The following PBRM1 variants were observed in gnomAD, a reference collection of about 807,000 sequenced individuals.
The protein encoded by PBRM1 is protein polybromo-1.
PBRM1 carries 27 observed loss-of-function variants against 194.5 expected under a neutral mutation model. The observed-to-expected ratio is 0.14, with a 90% CI of 0.10 to 0.19. The LOEUF (loss-of-function observed/expected upper bound fraction) is 0.19, where lower values mean the gene tolerates loss of function less well. Among genes scored for constraint, PBRM1 ranks in the 10% least tolerant of loss-of-function variants. The pLI is 1.00. For synonymous variants in PBRM1, 655 were observed against 693.2 expected, an observed-to-expected ratio of 0.94 and a Z score of 0.87; for missense variants, 1,466 against 2,077.2, an observed-to-expected ratio of 0.71 and a Z score of 5.72.
intron 22 of PBRM1, among the ~76,000 whole-genome samples, chr3:52,573,377 T>C (rs2088147228): frequency 6.6e-6 from 1 of 152,022 alleles, no homozygotes; most frequent in African/African-American, 2.4e-5. Flanking sequence ...CACTGCAACC[T>C]CCACCTCTCG....
At chr3:52,627,250 C>G in intron 13 of PBRM1, 23 bp downstream of exon 14, 1 of 1,324,840 alleles carries the variant, frequency 7.5e-7, no homozygotes, top group South Asian at 1.2e-5. Flanking sequence ...TGAGATGTCC[C>G]CAGCTATAAG....
At chr3:52,649,725 G>C (rs746847801) in intron 6 of PBRM1, among the ~76,000 whole-genome samples, 8 of 152,128 alleles carry the variant, frequency 5.3e-5, no homozygotes, top group Admixed American at 2.0e-4. Flanking sequence ...TCTGAGCACG[G>C]GACTGGCAGG....
At chr3:52,559,901 T>C (rs2083086852) in intron 25 of PBRM1, among the ~76,000 whole-genome samples, 1 of 149,874 alleles carries the variant, frequency 6.7e-6, no homozygotes, top group Admixed American at 6.7e-5. Flanking sequence ...AGTATTTTCA[T>C]TATACAAGTG....
chr3:52,615,300 A>G, intron 15 of PBRM1, 51 bp downstream of exon 17: 2 of 921,288 alleles, frequency 2.2e-6, no homozygotes, highest in South Asian at 1.4e-5. Flanking sequence ...AAAAATCAGC[A>G]ATCTCTTCTT....
chr3:52,587,540 G>T, intron 18 of PBRM1, 30 bp from the exon 21 acceptor site: 3 of 1,390,902 alleles, frequency 2.2e-6, no homozygotes, highest in Non-Finnish European at 3.0e-6. Flanking sequence ...GGAAGGGGAA[G>T]AGAAAGAGAA....
At chr3:52,660,743 C>A (rs1000445542) in intron 4 of PBRM1, among the ~76,000 whole-genome samples, 1 of 152,144 alleles carries the variant, frequency 6.6e-6, no homozygotes, top group African/African-American at 2.4e-5. Context: ...AAACTCCTGA[C>A]CTCAGGTGAT....
At chr3:52,614,853 G>A (rs1338295665) in intron 15 of PBRM1, among the ~76,000 whole-genome samples, 1 of 152,134 alleles carries the variant, frequency 6.6e-6, no homozygotes, top group Non-Finnish European at 1.5e-5. Context: ...TTACAGGCAT[G>A]AGTCACTGTT....
At chr3:52,629,089 T>C in intron 11 of PBRM1, 54 bp from the exon 13 acceptor site, 2 of 1,425,258 alleles carry the variant, frequency 1.4e-6, no homozygotes, top group African/African-American at 1.4e-5. Flanking sequence ...TTATGAAACA[T>C]TCTTCCTGAA....
chr3:52,584,507 G>A (rs1461174421), intron 20 of PBRM1, among the ~76,000 whole-genome samples: 1 of 123,602 alleles, frequency 8.1e-6, no homozygotes, highest in African/African-American at 3.2e-5. Context: ...CCAGGCTAGA[G>A]TGCAGTGGTG....
rs2095403298 is a variant in PBRM1 at position 52,625,026 on chromosome 3, A to G, written c.1541+2247T>C. 19 of 904,442 alleles carry G rather than the reference A, an allele frequency of 2.1e-5. No individual in the cohort carries two copies. In the South Asian group the frequency reaches 2.7e-4, roughly 13 times the overall value. 56.0% of individuals were successfully genotyped at this position (904,442 alleles called of 1,614,324 possible). A position where few individuals can be genotyped will look rare whatever the true frequency, so the allele number is the denominator to read the frequency against. ...GTCATGTACAAACCATGTATGGTTG[A>G]AGAAAAAGATTATTCAGTCCAAAGT... is the stretch of plus-strand genomic sequence containing the variant. On this transcript the variant is annotated intron_variant, in intron 13 of 29. Transcript: ENST00000296302.
chr3:52,650,230 G>A (rs1420117782), intron 6 of PBRM1, among the ~76,000 whole-genome samples: 1 of 151,842 alleles, frequency 6.6e-6, no homozygotes, highest in African/African-American at 2.4e-5. Context: ...AGGTTTGGTG[G>A]CAGGCGCCTA....
intron 17 of PBRM1, among the ~76,000 whole-genome samples, chr3:52,592,448 T>A (rs1009355340): frequency 1.3e-5 from 2 of 152,216 alleles, no homozygotes; most frequent in African/African-American, 2.4e-5. Context: ...AGTTCTTTTT[T>A]ATGTGATGAA....
chr3:52,560,573 C>T (rs1184566070), intron 25 of PBRM1: 1 of 152,006 alleles, frequency 6.6e-6, no homozygotes, highest in Non-Finnish European at 1.5e-5. Context: ...AATATGCATG[C>T]TGTATGAAAG....
At chr3:52,624,811 G>T in intron 13 of PBRM1, 86 bp downstream of exon 15, 1 of 882,862 alleles carries the variant, frequency 1.1e-6, no homozygotes. Flanking sequence ...CATGCTTAAG[G>T]CTTCACTTTT....
Position 52,668,380 on chromosome 3 carries a change from C to T in PBRM1, c.384+118G>A, listed in dbSNP as rs1014413474. ...AGTCTCTTTACGAATAAGACAAATG[C>T]GAACTCAAGCCACAAAAAGAAACTA... On this transcript the variant is annotated intron_variant, in intron 3 of 29. Coordinates refer to ENST00000296302, the Ensembl canonical transcript of PBRM1. 1.2e-4 allele frequency: 78 copies of T among 649,884 alleles called. 2 individuals are homozygous for T. In the Middle Eastern group the frequency reaches 3.7e-3, roughly 31 times the overall value. The allele number at this position is 649,884 out of a possible 1,614,324, so 40.3% of individuals were successfully genotyped here.
chr3:52,601,928 A>T (rs2153305968), intron 17 of PBRM1, among the ~76,000 whole-genome samples: 1 of 152,322 alleles, frequency 6.6e-6, no homozygotes, highest in South Asian at 2.1e-4. Flanking sequence ...ACCGACAGGT[A>T]ACACATGAAG....
chr3:52,628,905 G>T (rs2095530496), exon 12 of PBRM1: 2 of 1,613,598 alleles, frequency 1.2e-6, no homozygotes, highest in Non-Finnish European at 1.7e-6. Flanking sequence ...TGCATAACTT[G>T]CTGCAATTTT....
Position 52,589,031 on chromosome 3 carries a change from T to C in PBRM1, c.2965+39A>G, listed in dbSNP as rs1460594061. On this transcript the variant is annotated intron_variant, in intron 18 of 29. Transcript: ENST00000296302. ...GGAGCAAGGAGAAGTCAAACAGTCATATCTCACTAAACTGTCCTTTGATTT... is the reference window on the plus strand; with the variant it reads ...GGAGCAAGGAGAAGTCAAACAGTCACATCTCACTAAACTGTCCTTTGATTT... 4 of 1,462,692 alleles carry C rather than the reference T, an allele frequency of 2.7e-6. No homozygotes were observed. In the Admixed American group the frequency reaches 5.1e-5, roughly 19 times the overall value. 90.6% of individuals were successfully genotyped at this position (1,462,692 alleles called of 1,614,324 possible).
chr3:52,566,646 G>C (rs2085310053), intron 22 of PBRM1, among the ~76,000 whole-genome samples: 1 of 152,178 alleles, frequency 6.6e-6, no homozygotes, highest in Non-Finnish European at 1.5e-5. Flanking sequence ...GTGATTACTA[G>C]GGCCAGGGGG....
Sources: allele counts gnomAD v4.1 joint callset (sites outside exome capture counted in the v4.1 genomes callset), GRCh38; gene constraint gnomAD v4.1.1; transcripts MANE v1.5; gene names NCBI Gene and HGNC (gene_info 2026-07-23, HGNC 2026-07-21).